EVPL: variants seen among roughly 807,000 people sequenced by gnomAD.
EVPL encodes 210 kDa cornified envelope precursor protein.
A neutral mutation model predicts 129.7 loss-of-function variants in EVPL; 94 were observed. The observed-to-expected ratio is 0.72, with a 90% CI of 0.61 to 0.86. EVPL has a LOEUF of 0.86. EVPL is among the 40% of genes least tolerant of loss of function. The pLI is 0.00. For missense variants in EVPL, 2,625 were observed against 2,721.1 expected (o/e 0.96, Z 0.79); for synonymous variants, 1,172 against 1,191.1 (o/e 0.98, Z 0.33).
intron 21 of EVPL, among the ~76,000 whole-genome samples, chr17:76,010,888 C>T (rs1429262613): frequency 6.6e-6 from 1 of 152,104 alleles, no homozygotes; most frequent in Non-Finnish European, 1.5e-5. Context: ...TAGTGAAACC[C>T]CATCTCTACT....
chr17:76,017,880 C>T lies in EVPL; in HGVS notation c.1569G>A (p.Gln523=). ...TCATCTGTGTCAGGAGCTTCTGGGC[C>T]TGTGGGTTGGCCAGGTCTGAGCCAG... The part of the protein sequence containing the change: ...APSGSDLANP[Q]AQKLLTQMTR... The change falls in exon 14 of 22, where the codon CAG becomes CAA. Residue 523 remains glutamine (Q), a synonymous_variant. Transcript: ENST00000301607. The T allele has an allele frequency of 1.2e-6, 2 of 1,614,102 alleles. No homozygotes were observed. Among genetic ancestry groups the T allele is most frequent in the Non-Finnish European group, 8.5e-7 (1 of 1,180,038 alleles).
intron 18 of EVPL, 95 bp downstream of exon 18, chr17:76,014,331 C>G (rs532221183): frequency 1.4e-6 from 2 of 1,466,318 alleles, no homozygotes; most frequent in Non-Finnish European, 1.8e-6. Context: ...CCAGGGCCTC[C>G]GTGGCCTGGG....
At position 76,014,788 on chromosome 17, in the gene EVPL, C is replaced by T. The variant is rs559470934; in HGVS notation, c.2222+128G>A. ...CTGGGAGGTAAGTGCTGTTGTTATC[C>T]CATTTTAGAGATGAGGAAACAGCTT... On this transcript the variant is annotated intron_variant, in intron 17 of 21. Transcript: ENST00000301607. 5.7e-4 allele frequency: 663 copies of T among 1,161,222 alleles called. 3 individuals are homozygous for T. Among genetic ancestry groups the T allele is most frequent in the Non-Finnish European group, 7.6e-4 (642 of 840,734 alleles). 71.9% of individuals were successfully genotyped at this position (1,161,222 alleles called of 1,614,324 possible).
Position 76,023,615 on chromosome 17 carries a change from G to A in EVPL, c.238C>T (p.Gln80Ter). The A allele has an allele frequency of 6.2e-7, 1 of 1,605,428 alleles. No homozygotes were observed. Among genetic ancestry groups the A allele is most frequent in the Non-Finnish European group, 8.5e-7 (1 of 1,176,862 alleles). ...TTCAGGCTGCGGCCCGTCTCCTGCT[G>A]GTGCTGCAGGGCCTGGCTCTGCTCA... ...NSEQSQALQH[Q>*]QETGRSLKEA... The change falls in exon 3 of 22, where the codon CAG (glutamine) becomes TAG (stop). Residue 80 changes from glutamine (Q) to a stop codon, truncating the protein, a stop_gained. Coordinates refer to ENST00000301607, the MANE Select transcript of EVPL (RefSeq NM_001988.4). LOFTEE classifies it high-confidence loss of function.
chr17:76,009,313 G>C lies in EVPL; in HGVS notation c.3892C>G (p.Arg1298Gly), dbSNP rs761810112. 6.2e-7 allele frequency: 1 copy of C among 1,610,102 alleles called. No individual in the cohort carries two copies. The highest frequency in any genetic ancestry group is 8.5e-7 in the Non-Finnish European group (1 of 1,179,714). Reference protein sequence around the residue: ...QEQLIRLQGERDEWRRERAKV... With the variant: ...QEQLIRLQGEGDEWRRERAKV... ...GCCCGCTCGCGCCTCCACTCGTCGC[G>C]CTCACCCTGCAGGCGGATGAGCTGC... Residue 1298 changes from arginine to glycine, a missense_variant, in exon 22 of 22, where the codon CGC (arginine) becomes GGC (glycine). By Grantham distance (125) the Arg-to-Gly change is moderately radical (BLOSUM62 -2). This residue lies in a region of EVPL where 1,453 missense variants were observed against 1,511.8 expected (regional missense o/e 0.96). Transcript: ENST00000301607. This position sits in a 1 kb window ranked among gnomAD's most constrained non-coding sequence, Gnocchi z 5.9.
Position 76,015,688 on chromosome 17 carries a change from A to G in EVPL, c.1711-60T>C, listed in dbSNP as rs966256287. On this transcript the variant is annotated intron_variant, in intron 14 of 21. Transcript: ENST00000301607. Reference sequence around the variant, plus strand: ...GTGGGTTCCGCCCGACTCTTCTACCAGGATACCCTAACTCTGCGCCCATGG... The same window carrying G: ...GTGGGTTCCGCCCGACTCTTCTACCGGGATACCCTAACTCTGCGCCCATGG... The G allele has an allele frequency of 1.0e-5, 16 of 1,533,316 alleles. No homozygotes were observed. The African/African-American group carries it at 1.9e-4, about 18-fold the overall frequency. 95.0% of individuals were successfully genotyped at this position (1,533,316 alleles called of 1,614,324 possible).
rs1226356606 is a variant in EVPL, at chr17:76,022,731, G to T, written c.481-193C>A. ...CTGCAGTGGCCCCTGAGTCCCACTG[G>T]TTCCCAGACGCTGGGCTCAGCCTCT... On this transcript the variant is annotated intron_variant, in intron 4 of 21. Transcript: ENST00000301607. This position sits in a 1 kb window ranked among gnomAD's most constrained non-coding sequence, Gnocchi z 5.6. Among the ~76,000 whole-genome samples, 3 of 152,142 alleles carry T rather than the reference G, an allele frequency of 2.0e-5. No homozygotes were observed. Among genetic ancestry groups the T allele is most frequent in the Non-Finnish European group, 4.4e-5 (3 of 68,016 alleles).
chr17:76,008,433 T>C lies in EVPL; in HGVS notation c.4772A>G (p.Glu1591Gly). The change falls in exon 22 of 22, where the codon GAG becomes GGG. Residue 1591 changes from glutamate to glycine, a missense_variant. Coordinates refer to ENST00000301607, the MANE Select transcript of EVPL (RefSeq NM_001988.4). This position sits in a 1 kb window ranked among gnomAD's most constrained non-coding sequence, Gnocchi z 7.4. ...LQRARDQADQECGRLQQELRA... is the reference protein window; with the variant it reads ...LQRARDQADQGCGRLQQELRA... ...CAGCTCCTGCTGCAGCCGCCCACAC[T>C]CCTGGTCGGCCTGGTCCCGGGCCCT... is the stretch of plus-strand genomic sequence containing the variant. 6.3e-7 allele frequency: 1 copy of C among 1,592,718 alleles called. No individual in the cohort carries two copies.
At chr17:76,010,764 G>C (rs1412402090) in intron 21 of EVPL, among the ~76,000 whole-genome samples, 1 of 152,148 alleles carries the variant, frequency 6.6e-6, no homozygotes, top group Non-Finnish European at 1.5e-5. Context: ...GTTTGCATTA[G>C]AAAGTGCAAG....
At position 76,011,812 on chromosome 17, in the gene EVPL, C is replaced by G. The variant is rs2066378996; in HGVS notation, c.2528G>C (p.Arg843Thr). Residue 843 changes from arginine (R) to threonine (T), a missense_variant, in exon 20 of 22, where the codon AGA becomes ACA. This residue lies in a region of EVPL where 1,024 missense variants were observed against 997.5 expected (regional missense o/e 1.03). Transcript: ENST00000301607. Reference sequence around the variant, plus strand: ...CTCTTGCAGGGGAGCCACTCGGGGTCTCTTGGGGGCTGACACTGCCAGGGT... The same window carrying G: ...CTCTTGCAGGGGAGCCACTCGGGGTGTCTTGGGGGCTGACACTGCCAGGGT... ...EPTLAVSAPK[R>T]PRVAPLQESI... The G allele has an allele frequency of 6.2e-7, 1 of 1,612,354 alleles. No homozygotes were observed. The highest frequency in any genetic ancestry group is 8.5e-7 in the Non-Finnish European group (1 of 1,179,488).
In EVPL at chr17:76,010,375, G is replaced by A; in HGVS notation, c.2830C>T (p.Gln944Ter). 1.2e-6 allele frequency: 2 copies of A among 1,613,994 alleles called. No individual in the cohort carries two copies. The highest frequency in any genetic ancestry group is 1.7e-6 in the Non-Finnish European group (2 of 1,180,018). ...ELEAQRSQLL[Q>*]LRTQRPLERL... ...TCCAAGGGCCGCTGGGTCCTCAGCT[G>A]CAGCAGTTGGCTCCTCTGCGCCTCC... is the stretch of plus-strand genomic sequence containing the variant. The change falls in exon 22 of 22, where the codon CAG (glutamine) becomes TAG (stop). Residue 944 changes from glutamine (Q) to a stop codon, truncating the protein, a stop_gained. Coordinates refer to ENST00000301607, the MANE Select transcript of EVPL (RefSeq NM_001988.4). LOFTEE classifies it low-confidence loss of function (END_TRUNC).
Position 76,022,351 on chromosome 17 carries a change from G to A in EVPL, c.606+62C>T. The stretch of plus-strand genomic sequence containing the variant: ...CCAGGGCCCAGCCGATCTAGCTCCG[G>A]CTCTGACTGGAGAAACGGGCTGGGG... On this transcript the variant is annotated intron_variant, in intron 5 of 21. Coordinates refer to ENST00000301607, the MANE Select transcript of EVPL (RefSeq NM_001988.4). This position sits in a 1 kb window ranked among gnomAD's most constrained non-coding sequence, Gnocchi z 5.6. The A allele has an allele frequency of 6.2e-7, 1 of 1,609,650 alleles. No homozygotes were observed. Among genetic ancestry groups the A allele is most frequent in the South Asian group, 1.1e-5 (1 of 90,434 alleles).
Position 76,007,362 on chromosome 17 carries a change from T to C in EVPL, c.5843A>G (p.Lys1948Arg), listed in dbSNP as rs2066326054. 6.3e-7 allele frequency: 1 copy of C among 1,592,924 alleles called. No homozygotes were observed. ...CTGGATGGGGATGCGGCCTGTCCTC[T>C]TGGGGTCGATGAGCCCCCCGGTCAG... ...QHLTGGLIDP[K>R]RTGRIPIQQA... Residue 1948 changes from lysine to arginine, a missense_variant, in exon 22 of 22, where the codon AAG (lysine) becomes AGG (arginine). By Grantham distance (26) the Lys-to-Arg change is conservative. Coordinates refer to ENST00000301607, the MANE Select transcript of EVPL (RefSeq NM_001988.4). The surrounding 1 kb of genome is among the most constrained non-coding windows in gnomAD (Gnocchi z 8.8).
chr17:76,007,515 A>C lies in EVPL; in HGVS notation c.5690T>G (p.Leu1897Arg), dbSNP rs2066328478. The change falls in exon 22 of 22, where the codon CTT becomes CGT. Residue 1897 changes from leucine to arginine, a missense_variant. By Grantham distance (102) the Leu-to-Arg change is moderately radical (BLOSUM62 -2). Around this residue, in one of 4 missense-constraint regions of EVPL, gnomAD observed 1,453 missense variants for 1,511.8 expected, o/e 0.96. Coordinates refer to ENST00000301607, the MANE Select transcript of EVPL (RefSeq NM_001988.4). The surrounding 1 kb of genome is among the most constrained non-coding windows in gnomAD (Gnocchi z 8.8). Reference sequence around the variant, plus strand: ...GCCGGTGAAGGCCTTCTGGGCGTTAAGCAGCCTCTGTGTGGAGGTGTTCTC... The same window carrying C: ...GCCGGTGAAGGCCTTCTGGGCGTTACGCAGCCTCTGTGTGGAGGTGTTCTC... ...LIENTSTQRL[L>R]NAQKAFTGIE... 6.2e-7 allele frequency: 1 copy of C among 1,613,506 alleles called. No individual in the cohort carries two copies. The highest frequency in any genetic ancestry group is 1.3e-5 in the African/African-American group (1 of 74,802).
rs200414091 is a variant in EVPL at position 76,009,291 on chromosome 17, C to T, written c.3914G>A (p.Arg1305Gln). 1.1e-4 allele frequency: 179 copies of T among 1,608,170 alleles called. No homozygotes were observed. Among genetic ancestry groups the T allele is most frequent in the Middle Eastern group, 1.6e-4 (1 of 6,082 alleles). The stretch of plus-strand genomic sequence containing the variant: ...CACCGTCTTGGTCTCCACCTTGGCC[C>T]GCTCGCGCCTCCACTCGTCGCGCTC... ...QGERDEWRRE[R>Q]AKVETKTVSK... Residue 1305 changes from arginine to glutamine, a missense_variant, in exon 22 of 22, where the codon CGG becomes CAG. This residue lies in a region of EVPL where 1,453 missense variants were observed against 1,511.8 expected (regional missense o/e 0.96). Coordinates refer to ENST00000301607, the MANE Select transcript of EVPL (RefSeq NM_001988.4). This position sits in a 1 kb window ranked among gnomAD's most constrained non-coding sequence, Gnocchi z 5.9.
Position 76,022,247 on chromosome 17 carries a change from A to G in EVPL, c.607-20T>C. 1 of 1,613,028 alleles carries G rather than the reference A, an allele frequency of 6.2e-7. No individual in the cohort carries two copies. The highest frequency in any genetic ancestry group is 8.5e-7 in the Non-Finnish European group (1 of 1,179,790). ...TGCATCCTGCCTCGACCAAGGGGAG[A>G]AACAAGCCCGTGAGAGGTGGGGTGC... On this transcript the variant is annotated intron_variant, in intron 5 of 21. Transcript: ENST00000301607. The surrounding 1 kb of genome is among the most constrained non-coding windows in gnomAD (Gnocchi z 5.6).
rs778262916 is a variant in EVPL at position 76,008,798 on chromosome 17, C to T, written c.4407G>A (p.Glu1469=). Residue 1469 remains glutamate, a synonymous_variant, in exon 22 of 22, where the codon GAG becomes GAA. Transcript: ENST00000301607. This position sits in a 1 kb window ranked among gnomAD's most constrained non-coding sequence, Gnocchi z 7.4. Reference sequence around the variant, plus strand: ...TGGACTTCTCCAGGTCCGGGTCCTTCTCCAGCTTGACCACTTCCTCCATGA... The same window carrying T: ...TGGACTTCTCCAGGTCCGGGTCCTTTTCCAGCTTGACCACTTCCTCCATGA... ...KIIMEEVVKL[E]KDPDLEKSTE... is the part of the protein sequence containing the mutation. 2 of 1,614,168 alleles carry T rather than the reference C, an allele frequency of 1.2e-6. No homozygotes were observed.
intron 1 of EVPL, among the ~76,000 whole-genome samples, chr17:76,026,485 G>A (rs1384595681): frequency 6.6e-6 from 1 of 152,220 alleles, no homozygotes; most frequent in East Asian, 1.9e-4. Flanking sequence ...GAAGTTCGGG[G>A]ATTATAGGCG....
chr17:76,010,323 T>C lies in EVPL; in HGVS notation c.2882A>G (p.Glu961Gly). ...LERLEEKEVV[E>G]FYRDPQLEGS... ...CTCCAGCTGGGGGTCCCGGTAGAAC[T>C]CTACCACTTCCTTCTCCTCCAGCCT... Residue 961 changes from glutamate (E) to glycine (G), a missense_variant, in exon 22 of 22, where the codon GAG becomes GGG. Glu to Gly is a moderately conservative substitution (Grantham distance 98, BLOSUM62 -2). Transcript: ENST00000301607. The C allele has an allele frequency of 6.2e-7, 1 of 1,613,868 alleles. No homozygotes were observed. The highest frequency in any genetic ancestry group is 2.2e-5 in the East Asian group (1 of 44,870).
Sources: gnomAD v4.1 joint callset for allele counts (sites outside exome capture counted in the v4.1 genomes callset) on GRCh38, gnomAD v4.1.1 for gene constraint, gnomAD v4.1.1 regional missense constraint, Gnocchi (gnomAD v3.1) non-coding constraint, MANE v1.5 for transcripts, NCBI Gene and HGNC (gene_info 2026-07-23, HGNC 2026-07-21) for gene names.